Variants in DGKI observed in about 807,000 individuals in gnomAD.
DGKI encodes the protein DAG kinase iota.
DGKI carries 55 observed loss-of-function variants against 147.5 expected under a neutral mutation model. That is an observed-to-expected ratio of 0.37 (90% confidence interval 0.30 to 0.47). The LOEUF is 0.47. Ranked by LOEUF, DGKI falls within the 20% of genes least tolerant of loss-of-function variation. The pLI is 1.00. For missense variants in DGKI, 1,007 were observed against 1,323.8 expected, an observed-to-expected ratio of 0.76 and a Z score of 3.71; for synonymous variants, 469 against 477.1, an observed-to-expected ratio of 0.98 and a Z score of 0.22.
At chr7:137,813,967 C>T (rs1236606701) in intron 1 of DGKI, among the ~76,000 whole-genome samples, 2 of 152,140 alleles carry the variant, frequency 1.3e-5, no homozygotes, top group African/African-American at 4.8e-5. Flanking sequence ...AAAACAGGCT[C>T]ATAATGAGGC....
chr7:137,833,269 G>A (rs1397115565), intron 1 of DGKI, among the ~76,000 whole-genome samples: 1 of 152,146 alleles, frequency 6.6e-6, no homozygotes, highest in African/African-American at 2.4e-5. Flanking sequence ...CCGAGACTGG[G>A]CAATTTACAG....
At chr7:137,609,711 T>C (rs1490793108) in intron 8 of DGKI, 102 bp from the exon 9 acceptor site, 22 of 753,010 alleles carry the variant, frequency 2.9e-5, no homozygotes, top group Non-Finnish European at 4.8e-5. Flanking sequence ...GCTGTTCCAC[T>C]GCATGCTTCT....
In DGKI at chr7:137,689,970, A is replaced by G. The variant is rs759995676; in HGVS notation, c.434T>C (p.Leu145Pro). The change falls in exon 2 of 33, where the codon CTG (leucine) becomes CCG (proline). Residue 145 changes from leucine (L) to proline (P), a missense_variant. By Grantham distance (98) the Leu-to-Pro change is moderately conservative. Coordinates refer to ENST00000614521, the MANE Select transcript of DGKI (RefSeq NM_001321708.2). ...KAISRAGLQH[L>P]APAHPLSLPV... ...AAGGCTGAGGGGATGTGCAGGAGCC[A>G]GATGCTGGAGGCCTGCCCGGGAGAT... 6.2e-7 allele frequency: 1 copy of G among 1,609,282 alleles called. No individual in the cohort carries two copies. Among genetic ancestry groups the G allele is most frequent in the Non-Finnish European group, 8.5e-7 (1 of 1,178,006 alleles).
intron 27 of DGKI, among the ~76,000 whole-genome samples, chr7:137,452,573 A>G (rs1477856916): frequency 6.6e-6 from 1 of 152,198 alleles, no homozygotes; most frequent in African/African-American, 2.4e-5. Context: ...TGCGTATTTT[A>G]TTCAATTTCC....
chr7:137,548,972 A>G (rs987573631), intron 20 of DGKI, among the ~76,000 whole-genome samples: 2 of 152,140 alleles, frequency 1.3e-5, no homozygotes, highest in African/African-American at 2.4e-5. Flanking sequence ...ATAAATAAAC[A>G]AATAAATATA....
At chr7:137,715,287 A>G (rs1483071688) in intron 1 of DGKI, among the ~76,000 whole-genome samples, 1 of 152,234 alleles carries the variant, frequency 6.6e-6, no homozygotes, top group Non-Finnish European at 1.5e-5. Flanking sequence ...AGTCCACTGT[A>G]TAAGTCACCA....
At chr7:137,585,692 G>A (rs1819369069) in intron 13 of DGKI, among the ~76,000 whole-genome samples, 1 of 152,154 alleles carries the variant, frequency 6.6e-6, no homozygotes, top group African/African-American at 2.4e-5. Context: ...GGAATTTGGG[G>A]GAAACACAAA....
chr7:137,642,424 G>A lies in DGKI; in HGVS notation c.804+3048C>T, dbSNP rs7802675. Among the ~76,000 whole-genome samples the A allele has an allele frequency of 3.0e-3, 451 of 152,294 alleles. 3 individuals are homozygous for A. The highest frequency in any genetic ancestry group is 0.01 in the African/African-American group (418 of 41,572). On this transcript the variant is annotated intron_variant, in intron 6 of 32. Transcript: ENST00000614521. ...CCACAGCTCTCTGACATTAGTCACA[G>A]TGTTCTCCATTTTTTCTTGTGGTTC...
rs574676451 is a variant in DGKI at position 137,388,304 on chromosome 7, G to T, written c.*2916C>A. The T allele has an allele frequency of 6.6e-6, 1 of 152,130 alleles. No homozygotes were observed. The highest frequency in any genetic ancestry group is 2.1e-4 in the South Asian group (1 of 4,818). 9.4% of individuals were successfully genotyped at this position (152,130 alleles called of 1,614,324 possible). A position where few individuals can be genotyped will look rare whatever the true frequency, so the allele number is the denominator to read the frequency against. Reference sequence around the variant, plus strand: ...GCTTGCAAAAATGACTACCTTTCAGGTTACAGAATGTTGTCTTTTAATAAC... The same window carrying T: ...GCTTGCAAAAATGACTACCTTTCAGTTTACAGAATGTTGTCTTTTAATAAC... On this transcript the variant is annotated 3_prime_UTR_variant, in exon 33 of 33. Transcript: ENST00000614521.
chr7:137,784,106 T>C (rs1796597531), intron 1 of DGKI, among the ~76,000 whole-genome samples: 1 of 152,164 alleles, frequency 6.6e-6, no homozygotes, highest in African/African-American at 2.4e-5. Flanking sequence ...ATGAATAGAA[T>C]AGTATTTCAC....
At chr7:137,489,275 G>A (rs890918381) in intron 21 of DGKI, among the ~76,000 whole-genome samples, 1 of 152,148 alleles carries the variant, frequency 6.6e-6, no homozygotes, top group Admixed American at 6.5e-5. Flanking sequence ...CTGTTTGGAT[G>A]CAAAAGAGAA....
chr7:137,443,509 C>CAAAGGT (rs1209380777), intron 28 of DGKI, among the ~76,000 whole-genome samples: 5 of 152,136 alleles, frequency 3.3e-5, no homozygotes, highest in Non-Finnish European at 5.9e-5. Context: ...TGAACAACTC[C>CAAAGGT]AAAGGTGAGA....
chr7:137,778,916 A>G (rs1472751106), intron 1 of DGKI, among the ~76,000 whole-genome samples: 1 of 152,250 alleles, frequency 6.6e-6, no homozygotes. Flanking sequence ...TGGCTAAAAA[A>G]TAAACTATAC....
In DGKI at chr7:137,382,679, T is replaced by C. The variant is rs1410561891; in HGVS notation, c.*8541A>G. ...AATTTGTGTTACTACTAGGGTCTTCTTATTGTACTACTTTTGAGAATCTTT... is the reference window on the plus strand; with the variant it reads ...AATTTGTGTTACTACTAGGGTCTTCCTATTGTACTACTTTTGAGAATCTTT... On this transcript the variant is annotated 3_prime_UTR_variant, in exon 33 of 33. Transcript: ENST00000614521. The C allele has an allele frequency of 6.6e-6, 1 of 152,108 alleles. No homozygotes were observed. The highest frequency in any genetic ancestry group is 1.5e-5 in the Non-Finnish European group (1 of 67,980). 9.4% of individuals were successfully genotyped at this position (152,108 alleles called of 1,614,324 possible).
chr7:137,596,455 T>A (rs1819802009), intron 12 of DGKI, among the ~76,000 whole-genome samples: 1 of 152,188 alleles, frequency 6.6e-6, no homozygotes, highest in Non-Finnish European at 1.5e-5. Flanking sequence ...TAATTCTTAC[T>A]AAAGAAAGTT....
Position 137,386,799 on chromosome 7 carries a change from A to G in DGKI, c.*4421T>C, listed in dbSNP as rs370851038. ...GATTCAGAGTGAAAGGAGTTGAGAG[A>G]TTCAAAGGTGGTTCAATTAAGATGC... On this transcript the variant is annotated 3_prime_UTR_variant, in exon 33 of 33. Transcript: ENST00000614521. The G allele has an allele frequency of 2.0e-5, 3 of 152,218 alleles. No homozygotes were observed. Among genetic ancestry groups the G allele is most frequent in the Non-Finnish European group, 4.4e-5 (3 of 67,988 alleles). 9.4% of individuals were successfully genotyped at this position (152,218 alleles called of 1,614,324 possible). A position where few individuals can be genotyped will look rare whatever the true frequency, so the allele number is the denominator to read the frequency against.
intron 1 of DGKI, among the ~76,000 whole-genome samples, chr7:137,804,422 C>T (rs1257585932): frequency 6.6e-6 from 1 of 152,236 alleles, no homozygotes; most frequent in Non-Finnish European, 1.5e-5. Flanking sequence ...GTTCATTCGT[C>T]AGAAGAGAAG....
chr7:137,809,291 A>G (rs896627221), intron 1 of DGKI, among the ~76,000 whole-genome samples: 24 of 152,208 alleles, frequency 1.6e-4, no homozygotes, highest in African/African-American at 5.8e-4. Context: ...AGATAATAAT[A>G]GCTCATACTC....
At chr7:137,804,085 G>C (rs971038289) in intron 1 of DGKI, among the ~76,000 whole-genome samples, 2 of 152,154 alleles carry the variant, frequency 1.3e-5, no homozygotes, top group African/African-American at 2.4e-5. Flanking sequence ...TAAGCGCTTA[G>C]ACCATTCTCT....
Sources: allele counts gnomAD v4.1 joint callset (sites outside exome capture counted in the v4.1 genomes callset), GRCh38; gene constraint gnomAD v4.1.1; transcripts MANE v1.5; gene names NCBI Gene and HGNC (gene_info 2026-07-23, HGNC 2026-07-21).